Variants in ADAMTS2 observed in about 807,000 individuals in gnomAD.
ADAMTS2 encodes the protein ADAM metallopeptidase with thrombospondin type 1 motif 2, also known as A disintegrin and metalloproteinase with thrombospondin motifs 2.
A neutral mutation model predicts 123.0 loss-of-function variants in ADAMTS2; 50 were observed. The observed-to-expected ratio is 0.41, with a 90% CI of 0.32 to 0.51. The LOEUF is 0.51. Among genes scored for constraint, ADAMTS2 ranks in the 20% least tolerant of loss-of-function variants. The probability of loss-of-function intolerance (pLI) is 0.35; values close to 1 mark genes in which losing one functional copy is unlikely to be tolerated. For synonymous variants in ADAMTS2, 678 were observed against 695.4 expected (o/e 0.98, Z 0.39); for missense variants, 1,494 against 1,705.2 (o/e 0.88, Z 2.18).
rs1025736288 is a variant in ADAMTS2, at chr5:179,317,832, T to C, written c.534+25935A>G. Among the ~76,000 whole-genome samples the C allele has an allele frequency of 6.6e-6, 1 of 151,638 alleles. No individual in the cohort carries two copies. The highest frequency in any genetic ancestry group is 2.1e-4 in the South Asian group (1 of 4,796). ...TGGAGCAGACGTACAGGATGGAGGGTAGAGGTGGGGCTGGTCCACAGTGAG... is the reference window on the plus strand; with the variant it reads ...TGGAGCAGACGTACAGGATGGAGGGCAGAGGTGGGGCTGGTCCACAGTGAG... On this transcript the variant is annotated intron_variant, in intron 2 of 21. Transcript: ENST00000251582. This position sits in a 1 kb window ranked among gnomAD's most constrained non-coding sequence, Gnocchi z 4.9.
intron 6 of ADAMTS2, among the ~76,000 whole-genome samples, chr5:179,157,011 T>G (rs909040915): frequency 1.4e-5 from 2 of 146,998 alleles, no homozygotes; most frequent in African/African-American, 5.0e-5. Flanking sequence ...TTGCCCAGGC[T>G]GGAGTGCAGT....
Position 179,129,955 on chromosome 5 carries a change from G to A in ADAMTS2, c.2434C>T (p.Leu812Phe). 6.2e-7 allele frequency: 1 copy of A among 1,613,956 alleles called. No homozygotes were observed. Among genetic ancestry groups the A allele is most frequent in the South Asian group, 1.1e-5 (1 of 91,082 alleles). ...GRETLQTMGP[L>F]HGTITVLVIP... ...ACCAGAACGGTGATGGTGCCGTGGA[G>A]GGGGCCCATGGTCTGCAGCGTCTCC... The change falls in exon 16 of 22, where the codon CTC becomes TTC. Residue 812 changes from leucine (L) to phenylalanine (F), a missense_variant. Leu to Phe is a conservative substitution (Grantham distance 22). This residue lies in a region of ADAMTS2 where 953 missense variants were observed against 1,124.7 expected (regional missense o/e 0.85). Coordinates refer to ENST00000251582, the MANE Select transcript of ADAMTS2 (RefSeq NM_014244.5). This position sits in a 1 kb window ranked among gnomAD's most constrained non-coding sequence, Gnocchi z 4.1.
At chr5:179,209,699 A>G (rs56274637) in intron 3 of ADAMTS2, among the ~76,000 whole-genome samples, 20,764 of 152,128 alleles carry the variant, frequency 0.14, 1,498 homozygotes, top group South Asian at 0.19. Flanking sequence ...CGAGCAGTCC[A>G]CTTAGCTGCC....
rs547054600 is a variant in ADAMTS2, at chr5:179,129,897, C to T, written c.2457+35G>A. Reference sequence around the variant, plus strand: ...CCATCCCTCCCCCAGTGGCCACCCGCACCCTTCCCTGGGCCCAGCCCTGCT... The same window carrying T: ...CCATCCCTCCCCCAGTGGCCACCCGTACCCTTCCCTGGGCCCAGCCCTGCT... On this transcript the variant is annotated intron_variant, in intron 16 of 21. Coordinates refer to ENST00000251582, the MANE Select transcript of ADAMTS2 (RefSeq NM_014244.5). The surrounding 1 kb of genome is among the most constrained non-coding windows in gnomAD (Gnocchi z 4.1). The T allele has an allele frequency of 4.3e-6, 7 of 1,612,728 alleles. No individual in the cohort carries two copies. Among genetic ancestry groups the T allele is most frequent in the South Asian group, 3.3e-5 (3 of 91,058 alleles).
rs1205412600 is a variant in ADAMTS2 at position 179,242,295 on chromosome 5, TCTC to T, written c.688+30613_688+30615del. 6.6e-6 allele frequency among the ~76,000 whole-genome samples: 1 copy of T among 152,082 alleles called. No homozygotes were observed. The highest frequency in any genetic ancestry group is 1.5e-5 in the Non-Finnish European group (1 of 68,032). ...TGTCTTGCTCGCGTGTGCCAGCAAA[TCTC>T]CTTTTCTTGGCTTAATTGGATTTGG... On this transcript the variant is annotated intron_variant, in intron 3 of 21. Coordinates refer to ENST00000251582, the MANE Select transcript of ADAMTS2 (RefSeq NM_014244.5). This position sits in a 1 kb window ranked among gnomAD's most constrained non-coding sequence, Gnocchi z 4.2.
intron 3 of ADAMTS2, among the ~76,000 whole-genome samples, chr5:179,223,197 T>C (rs959393771): frequency 2.0e-5 from 3 of 152,236 alleles, no homozygotes; most frequent in Non-Finnish European, 2.9e-5. Flanking sequence ...CAGGCTGGCC[T>C]GCTCAGTGAT....
At chr5:179,143,445 AAAG>A (rs1038364619) in intron 10 of ADAMTS2, among the ~76,000 whole-genome samples, 5 of 152,096 alleles carry the variant, frequency 3.3e-5, no homozygotes, top group Non-Finnish European at 2.9e-5. Flanking sequence ...AAAAAAAAAA[AAAG>A]AAGAACTAAA....
chr5:179,201,371 G>A (rs1764560125), intron 4 of ADAMTS2, among the ~76,000 whole-genome samples: 1 of 152,140 alleles, frequency 6.6e-6, no homozygotes. Context: ...AATAAGTTAG[G>A]TAAAAAGTGT....
chr5:179,320,701 A>C (rs55672613), intron 2 of ADAMTS2, among the ~76,000 whole-genome samples: 2 of 152,232 alleles, frequency 1.3e-5, no homozygotes, highest in Non-Finnish European at 2.9e-5. Flanking sequence ...CAAGGAGGGC[A>C]CATGACCCAG....
At chr5:179,210,542 G>A (rs1440360069) in intron 3 of ADAMTS2, among the ~76,000 whole-genome samples, 1 of 152,212 alleles carries the variant, frequency 6.6e-6, no homozygotes, top group Non-Finnish European at 1.5e-5. Context: ...CTCCACCCAG[G>A]ACCAGTGCCT....
chr5:179,344,204 C>T (rs1306442614), intron 1 of ADAMTS2, 43 bp from the exon 2 acceptor site: 1 of 1,541,744 alleles, frequency 6.5e-7, no homozygotes, highest in Non-Finnish European at 8.7e-7. Flanking sequence ...ACCACGGAGC[C>T]CCAGTGCCTC....
At position 179,191,176 on chromosome 5, in the gene ADAMTS2, C is replaced by T. The variant is rs367750486; in HGVS notation, c.892-10021G>A. Among the ~76,000 whole-genome samples, 95 of 150,890 alleles carry T rather than the reference C, an allele frequency of 6.3e-4. 1 individual carries two copies. In the South Asian group the frequency reaches 0.019, roughly 31 times the overall value. On this transcript the variant is annotated intron_variant, in intron 4 of 21. Transcript: ENST00000251582. ...TCCCCCAGGGGCCTCTCGGCCACTG[C>T]GAGCCACTGACAGGGAAAGGCCGAG...
chr5:179,204,935 G>C (rs1409471267), intron 4 of ADAMTS2, among the ~76,000 whole-genome samples: 1 of 152,220 alleles, frequency 6.6e-6, no homozygotes, highest in African/African-American at 2.4e-5. Context: ...CTGTGCAACA[G>C]GGGACAACAG....
intron 17 of ADAMTS2, 71 bp from the exon 18 acceptor site, chr5:179,126,201 C>T: frequency 1.3e-6 from 2 of 1,597,994 alleles, no homozygotes; most frequent in Middle Eastern, 3.3e-4. Context: ...GAGGGGTGGG[C>T]TGCACCAGCA....
intron 5 of ADAMTS2, among the ~76,000 whole-genome samples, chr5:179,161,869 G>T (rs947998672): frequency 6.6e-6 from 1 of 152,158 alleles, no homozygotes; most frequent in African/African-American, 2.4e-5. Context: ...AAACAAGAAT[G>T]ACTTTTTAAC....
chr5:179,158,841 G>T lies in ADAMTS2; in HGVS notation c.1014C>A (p.Ser338Arg). The change falls in exon 6 of 22, where the codon AGC becomes AGA. Residue 338 changes from serine to arginine, a missense_variant. By Grantham distance (110) the Ser-to-Arg change is moderately radical. Coordinates refer to ENST00000251582, the MANE Select transcript of ADAMTS2 (RefSeq NM_014244.5). The surrounding 1 kb of genome is among the most constrained non-coding windows in gnomAD (Gnocchi z 5.0). ...AGGCCCAGCGGCAGACATTCTCCAGGCTCTGAGAGGGGTTCCCGATCTCGA... is the reference window on the plus strand; with the variant it reads ...AGGCCCAGCGGCAGACATTCTCCAGTCTCTGAGAGGGGTTCCCGATCTCGA... ...SLIEIGNPSQ[S>R]LENVCRWAYL... 1.2e-6 allele frequency: 2 copies of T among 1,614,230 alleles called. No individual in the cohort carries two copies. The highest frequency in any genetic ancestry group is 1.7e-6 in the Non-Finnish European group (2 of 1,180,054).
At chr5:179,207,474 C>CT in intron 4 of ADAMTS2, 39 bp downstream of exon 4, 172 of 927,162 alleles carry the variant, frequency 1.9e-4, no homozygotes, top group Admixed American at 8.4e-4. Flanking sequence ...CTGGTTGACC[C>CT]TCCCCGCCCC....
At position 179,132,694 on chromosome 5, in the gene ADAMTS2, G is replaced by T; in HGVS notation, c.2209+83C>A. 6.5e-7 allele frequency: 1 copy of T among 1,545,596 alleles called. No homozygotes were observed. On this transcript the variant is annotated intron_variant, in intron 14 of 21. Coordinates refer to ENST00000251582, the MANE Select transcript of ADAMTS2 (RefSeq NM_014244.5). This position sits in a 1 kb window ranked among gnomAD's most constrained non-coding sequence, Gnocchi z 6.1. ...ACAGTCATAAGCCCGGACAGCCCCAGGATGAGTCAGGCCCTCAGCTGTCCG... is the reference window on the plus strand; with the variant it reads ...ACAGTCATAAGCCCGGACAGCCCCATGATGAGTCAGGCCCTCAGCTGTCCG...
Position 179,130,432 on chromosome 5 carries a change from C to T in ADAMTS2, c.2291-334G>A, listed in dbSNP as rs1762937894. ...CACTCAGTGGGCGCTTAGAGGCCAC[C>T]CGGGGCAGGATGGCTGGGAGGGGTC... On this transcript the variant is annotated intron_variant, in intron 15 of 21. Coordinates refer to ENST00000251582, the MANE Select transcript of ADAMTS2 (RefSeq NM_014244.5). The surrounding 1 kb of genome is among the most constrained non-coding windows in gnomAD (Gnocchi z 4.3). Among the ~76,000 whole-genome samples, 1 of 152,242 alleles carries T rather than the reference C, an allele frequency of 6.6e-6. No individual in the cohort carries two copies. Among genetic ancestry groups the T allele is most frequent in the African/African-American group, 2.4e-5 (1 of 41,474 alleles).
Sources: allele counts gnomAD v4.1 joint callset (sites outside exome capture counted in the v4.1 genomes callset), GRCh38; gene constraint gnomAD v4.1.1; regional missense constraint gnomAD v4.1.1; non-coding constraint Gnocchi (gnomAD v3.1); transcripts MANE v1.5; gene names NCBI Gene and HGNC (gene_info 2026-07-23, HGNC 2026-07-21).